Variants in FAM168A observed in about 807,000 individuals in gnomAD.
The protein encoded by FAM168A is protein FAM168A.
Under a neutral mutation model 28.5 loss-of-function variants are expected in FAM168A, and 3 were observed. That is an observed-to-expected ratio of 0.11 (90% CI 0.05 to 0.27). The LOEUF is 0.27. FAM168A is among the 10% of genes least tolerant of loss of function. The probability of loss-of-function intolerance (pLI) is 1.00; values close to 1 mark genes in which losing one functional copy is unlikely to be tolerated. For synonymous variants in FAM168A, 122 were observed against 124.2 expected (o/e 0.98, Z 0.12); for missense variants, 222 against 311.5 (o/e 0.71, Z 2.16).
chr11:73,458,772 G>A (rs1258231965), intron 2 of FAM168A, among the ~76,000 whole-genome samples: 2 of 151,916 alleles, frequency 1.3e-5, no homozygotes, highest in African/African-American at 2.4e-5. Flanking sequence ...TACCACGCCC[G>A]GCTAATTTTT....
chr11:73,546,181 G>A (rs1328785184), intron 1 of FAM168A, among the ~76,000 whole-genome samples: 3 of 152,154 alleles, frequency 2.0e-5, no homozygotes, highest in Non-Finnish European at 4.4e-5. Context: ...GTTTGCCAAA[G>A]TTATATATCT....
chr11:73,541,813 G>C (rs1943661648), intron 1 of FAM168A, among the ~76,000 whole-genome samples: 1 of 152,178 alleles, frequency 6.6e-6, no homozygotes, highest in Non-Finnish European at 1.5e-5. Context: ...TGATGTTTAT[G>C]ATGATGATAG....
At chr11:73,535,103 C>G (rs1943560978) in intron 1 of FAM168A, among the ~76,000 whole-genome samples, 1 of 152,120 alleles carries the variant, frequency 6.6e-6, no homozygotes, top group Non-Finnish European at 1.5e-5. Flanking sequence ...ATAGCCCAGG[C>G]AAATCATCAC....
At chr11:73,417,579 A>ATTT (rs1866716787) in intron 4 of FAM168A, among the ~76,000 whole-genome samples, 1 of 93,086 alleles carries the variant, frequency 1.1e-5, no homozygotes, top group Admixed American at 1.2e-4. Flanking sequence ...TTTTTTTTTG[A>ATTT]GACGGAGTCT....
At chr11:73,585,600 G>A (rs868519320) in intron 1 of FAM168A, among the ~76,000 whole-genome samples, 1 of 152,110 alleles carries the variant, frequency 6.6e-6, no homozygotes, top group Admixed American at 6.5e-5. Flanking sequence ...AGGCGTAGTG[G>A]CTCACGCCTG....
intron 1 of FAM168A, among the ~76,000 whole-genome samples, chr11:73,546,687 G>A (rs981889956): frequency 6.7e-6 from 1 of 149,900 alleles, no homozygotes; most frequent in Non-Finnish European, 1.5e-5. Flanking sequence ...AGCCTAGATC[G>A]TGCCATTGCA....
At chr11:73,553,528 T>C (rs1315217630) in intron 1 of FAM168A, among the ~76,000 whole-genome samples, 1 of 152,180 alleles carries the variant, frequency 6.6e-6, no homozygotes, top group African/African-American at 2.4e-5. Flanking sequence ...GGATCAAATA[T>C]GAAAGGCAGT....
At chr11:73,420,658 T>G (rs140843363) in intron 3 of FAM168A, among the ~76,000 whole-genome samples, 1 of 152,200 alleles carries the variant, frequency 6.6e-6, no homozygotes, top group African/African-American at 2.4e-5. Context: ...CCTGAATATC[T>G]CCTACTGAGG....
In FAM168A at chr11:73,442,955, G is replaced by GATATATATATAT. The variant is rs58430278; in HGVS notation, c.71-12197_71-12186dup. 6.2e-3 allele frequency among the ~76,000 whole-genome samples: 251 copies of GATATATATATAT among 40,184 alleles called. 24 individuals carry two copies. The highest frequency in any genetic ancestry group is 0.013 in the South Asian group (9 of 670). 26.4% of individuals were successfully genotyped at this position (40,184 alleles called of 152,430 possible). ...GGAATTTTCCTTTATATATACAAAG[G>GATATATATATAT]ATATATATATATATATATATATATA... On this transcript the variant is annotated intron_variant, in intron 2 of 7. Coordinates refer to ENST00000356467, the MANE Select transcript of FAM168A (RefSeq NM_015159.3).
At chr11:73,414,270 T>C (rs2134486635) in intron 4 of FAM168A, among the ~76,000 whole-genome samples, 1 of 152,372 alleles carries the variant, frequency 6.6e-6, no homozygotes, top group East Asian at 1.9e-4. Flanking sequence ...ATTTACATAT[T>C]GACTAAGGCT....
intron 1 of FAM168A, among the ~76,000 whole-genome samples, chr11:73,485,869 G>C (rs1304428512): frequency 2.0e-5 from 3 of 152,104 alleles, no homozygotes; most frequent in African/African-American, 4.8e-5. Context: ...GTCTCTGGTG[G>C]AGGAACTGTG....
intron 2 of FAM168A, among the ~76,000 whole-genome samples, chr11:73,433,840 CTTTTTTTTTTT>C (rs34260175): frequency 1.2e-5 from 1 of 83,312 alleles, no homozygotes; most frequent in Non-Finnish European, 2.2e-5. Flanking sequence ...AGGGTAGGCC[CTTTTTTTTTTT>C]TTTTTTTTTT....
chr11:73,420,088 C>T (rs1179901562), intron 3 of FAM168A, 89 bp from the exon 4 acceptor site: 3 of 1,506,790 alleles, frequency 2.0e-6, no homozygotes, highest in Non-Finnish European at 2.7e-6. Flanking sequence ...TTGTGCTGGA[C>T]AGAAACATAC....
Position 73,419,996 on chromosome 11 carries a change from G to T in FAM168A, c.155C>A (p.Thr52Asn). 1 of 1,613,398 alleles carries T rather than the reference G, an allele frequency of 6.2e-7. No individual in the cohort carries two copies. The highest frequency in any genetic ancestry group is 8.5e-7 in the Non-Finnish European group (1 of 1,179,546). Residue 52 changes from threonine (T) to asparagine (N), a missense_variant, in exon 4 of 8, where the codon ACT becomes AAT. By Grantham distance (65) the Thr-to-Asn change is moderately conservative (BLOSUM62 0). Around this residue, in one of 3 missense-constraint regions of FAM168A, gnomAD observed 153 missense variants for 189.2 expected, o/e 0.81. Transcript: ENST00000356467. ...PTNSPSYAPA[T>N]LLMKQAWPQN... ...TGGCCAGGCCTGTTTCATCAGCAGA[G>T]TTGCTTAAGGGAAGACACAAGAATG...
intron 1 of FAM168A, among the ~76,000 whole-genome samples, chr11:73,566,462 C>T (rs1040936032): frequency 6.6e-6 from 1 of 152,158 alleles, no homozygotes; most frequent in Non-Finnish European, 1.5e-5. Flanking sequence ...GCAGCACCTA[C>T]CAAAAAAGCA....
chr11:73,596,137 G>A (rs572288352), intron 1 of FAM168A, among the ~76,000 whole-genome samples: 1 of 152,272 alleles, frequency 6.6e-6, no homozygotes, highest in South Asian at 2.1e-4. Context: ...TTTTGCCTAT[G>A]TGCTTGTTAC....
chr11:73,460,223 C>G (rs1174886373), intron 2 of FAM168A, among the ~76,000 whole-genome samples: 1 of 152,100 alleles, frequency 6.6e-6, no homozygotes, highest in African/African-American at 2.4e-5. Flanking sequence ...AAAAAAATCT[C>G]TCCCGCACTG....
intron 1 of FAM168A, among the ~76,000 whole-genome samples, chr11:73,555,475 C>A (rs936079150): frequency 1.6e-4 from 24 of 152,070 alleles, no homozygotes; most frequent in African/African-American, 5.5e-4. Flanking sequence ...GAGGTCGAGG[C>A]GGGTGGATCT....
intron 1 of FAM168A, among the ~76,000 whole-genome samples, chr11:73,537,941 G>C (rs1044172407): frequency 1.3e-5 from 2 of 152,090 alleles, no homozygotes; most frequent in Non-Finnish European, 2.9e-5. Flanking sequence ...TAAGGAGATA[G>C]GAAGAAAAAT....
Sources: allele counts gnomAD v4.1 joint callset (sites outside exome capture counted in the v4.1 genomes callset), GRCh38; gene constraint gnomAD v4.1.1; regional missense constraint gnomAD v4.1.1; transcripts MANE v1.5; gene names NCBI Gene and HGNC (gene_info 2026-07-23, HGNC 2026-07-21).